The following TENM3 variants were observed in gnomAD, a reference collection of about 807,000 sequenced individuals.
The protein encoded by TENM3 is teneurin transmembrane protein 3, also known as teneurin-3.
TENM3 carries 63 observed loss-of-function variants against 255.1 expected under a neutral mutation model. That is an observed-to-expected ratio of 0.25 (90% CI 0.20 to 0.30). The LOEUF (loss-of-function observed/expected upper bound fraction) is 0.30, where lower values mean the gene tolerates loss of function less well. TENM3 is among the 10% of genes least tolerant of loss of function. The probability of loss-of-function intolerance (pLI) is 1.00; values close to 1 mark genes in which losing one functional copy is unlikely to be tolerated. For missense variants in TENM3, 2,929 were observed against 3,461.1 expected, an observed-to-expected ratio of 0.85 and a Z score of 3.86; for synonymous variants, 1,306 against 1,322.3, an observed-to-expected ratio of 0.99 and a Z score of 0.27.
chr4:182,666,766 G>A (rs1020643432), intron 6 of TENM3, among the ~76,000 whole-genome samples: 19 of 152,126 alleles, frequency 1.2e-4, no homozygotes, highest in African/African-American at 4.6e-4. Flanking sequence ...AGACTCGGTG[G>A]TGTGCACCTG....
the TENM3 span, among the ~76,000 whole-genome samples, chr4:181,794,883 T>A: frequency 1.2e-4 from 19 of 152,100 alleles, no homozygotes; most frequent in Admixed American, 1.2e-3. Context: ...TCAGAGCACC[T>A]TTTTCACAGG....
Position 182,799,588 on chromosome 4 carries a change from G to T in TENM3, c.7345-8G>T. ...TCTGACGCGCCCCCTCTTTTGTTTC[G>T]CCCGCAGCCCATCTTCGGAGTCCAG... On this transcript the variant is annotated splice_polypyrimidine_tract_variant and splice_region_variant and intron_variant, in intron 27 of 27. Coordinates refer to ENST00000511685, the MANE Select transcript of TENM3 (RefSeq NM_001080477.4). The surrounding 1 kb of genome is among the most constrained non-coding windows in gnomAD (Gnocchi z 4.2). The T allele has an allele frequency of 3.3e-6, 5 of 1,535,018 alleles. No individual in the cohort carries two copies. Among genetic ancestry groups the T allele is most frequent in the Non-Finnish European group, 4.4e-6 (5 of 1,145,774 alleles).
the TENM3 span, among the ~76,000 whole-genome samples, chr4:181,835,817 T>C: frequency 6.6e-6 from 1 of 152,212 alleles, no homozygotes; most frequent in African/African-American, 2.4e-5. Context: ...CTACAAGTTA[T>C]CTTATTCAGT....
At chr4:181,787,906 C>A in the TENM3 span, among the ~76,000 whole-genome samples, 1 of 152,048 alleles carries the variant, frequency 6.6e-6, no homozygotes, top group Admixed American at 6.5e-5. Context: ...GAGACTGAGG[C>A]GGAACTTGAG....
chr4:182,426,954 T>C (rs914898374), intron 3 of TENM3, among the ~76,000 whole-genome samples: 21 of 152,310 alleles, frequency 1.4e-4, no homozygotes, highest in African/African-American at 4.6e-4. Context: ...CATACTTGTA[T>C]TTCTAATTTT....
At chr4:181,938,056 A>G in the TENM3 span, among the ~76,000 whole-genome samples, 4 of 152,264 alleles carry the variant, frequency 2.6e-5, no homozygotes, top group Non-Finnish European at 5.9e-5. Context: ...TTTTTATCAT[A>G]CCTTGGCTCT....
At chr4:182,303,178 G>A (rs1343414594) in intron 1 of TENM3, among the ~76,000 whole-genome samples, 1 of 151,912 alleles carries the variant, frequency 6.6e-6, no homozygotes, top group Non-Finnish European at 1.5e-5. Context: ...AATCTGTTTT[G>A]CATTTAAACA....
intron 5 of TENM3, among the ~76,000 whole-genome samples, chr4:182,639,021 A>G (rs1752079190): frequency 6.6e-6 from 1 of 152,034 alleles, no homozygotes; most frequent in Admixed American, 6.6e-5. Flanking sequence ...ATTTTTGCTT[A>G]TTTTTTCATG....
chr4:181,585,696 C>T, the TENM3 span, among the ~76,000 whole-genome samples: 56 of 152,004 alleles, frequency 3.7e-4, no homozygotes, highest in Admixed American at 1.0e-3. Flanking sequence ...AATCACATGC[C>T]TAAGATTCTT....
the TENM3 span, among the ~76,000 whole-genome samples, chr4:181,612,909 G>A: frequency 0.86 from 130,569 of 152,172 alleles, 56,254 homozygotes; most frequent in East Asian, 0.99. Flanking sequence ...GTTAAATCCT[G>A]TGTTGCCAGG....
chr4:181,816,958 A>T, the TENM3 span, among the ~76,000 whole-genome samples: 1 of 152,202 alleles, frequency 6.6e-6, no homozygotes, highest in South Asian at 2.1e-4. Flanking sequence ...ATAGTTTCTC[A>T]TTTTATAGAT....
intron 3 of TENM3, among the ~76,000 whole-genome samples, chr4:182,532,063 C>A (rs1309367550): frequency 6.6e-6 from 1 of 152,172 alleles, no homozygotes; most frequent in Non-Finnish European, 1.5e-5. Flanking sequence ...GGCACTATGA[C>A]TACATCAGAA....
the TENM3 span, among the ~76,000 whole-genome samples, chr4:181,553,721 G>A: frequency 6.6e-6 from 1 of 152,218 alleles, no homozygotes; most frequent in Non-Finnish European, 1.5e-5. Context: ...GATTACAGGC[G>A]TGAGCCACCG....
chr4:182,453,309 TG>T (rs1409648400), intron 3 of TENM3, among the ~76,000 whole-genome samples: 1 of 152,198 alleles, frequency 6.6e-6, no homozygotes, highest in Non-Finnish European at 1.5e-5. Context: ...GTTGGTACGA[TG>T]GTAAATTCAT....
At chr4:181,749,113 A>G in the TENM3 span, among the ~76,000 whole-genome samples, 1 of 152,130 alleles carries the variant, frequency 6.6e-6, no homozygotes, top group Non-Finnish European at 1.5e-5. Flanking sequence ...AGATTGTTCC[A>G]GAGGAGATTT....
At chr4:181,757,618 C>T in the TENM3 span, among the ~76,000 whole-genome samples, 13 of 152,220 alleles carry the variant, frequency 8.5e-5, no homozygotes, top group East Asian at 9.7e-4. Flanking sequence ...CTGGTGTACG[C>T]GACACAGTAG....
intron 1 of TENM3, among the ~76,000 whole-genome samples, chr4:182,257,231 G>A (rs541219571): frequency 8.5e-5 from 13 of 152,214 alleles, no homozygotes; most frequent in Non-Finnish European, 1.6e-4. Context: ...GATGCTGACA[G>A]ACTGAGACCA....
At chr4:182,111,308 C>T in the TENM3 span, among the ~76,000 whole-genome samples, 1 of 147,652 alleles carries the variant, frequency 6.8e-6, no homozygotes, top group East Asian at 2.1e-4. Context: ...TCTCTTCATA[C>T]ACTCTGTAGT....
At chr4:181,627,222 C>T in the TENM3 span, among the ~76,000 whole-genome samples, 2 of 152,118 alleles carry the variant, frequency 1.3e-5, no homozygotes, top group African/African-American at 4.8e-5. Context: ...ATTAGACCTG[C>T]TATACACAGT....
Sources: allele counts gnomAD v4.1 joint callset (sites outside exome capture counted in the v4.1 genomes callset), GRCh38; gene constraint gnomAD v4.1.1; non-coding constraint Gnocchi (gnomAD v3.1); transcripts MANE v1.5; gene names NCBI Gene and HGNC (gene_info 2026-07-23, HGNC 2026-07-21).